The following DNAH2 variants were observed in gnomAD, a reference collection of about 807,000 sequenced individuals.
DNAH2 encodes dynein axonemal heavy chain 2.
A neutral mutation model predicts 523.5 loss-of-function variants in DNAH2; 323 were observed. The ratio of observed to expected loss-of-function variants is 0.62; its 90% CI spans 0.56 to 0.68. The LOEUF (loss-of-function observed/expected upper bound fraction) is 0.68, where lower values mean the gene tolerates loss of function less well. Ranked by LOEUF, DNAH2 falls within the 30% of genes least tolerant of loss-of-function variation. The pLI is 0.00. For synonymous variants in DNAH2, 2,093 were observed against 2,177.4 expected (o/e 0.96, Z 1.08); for missense variants, 4,907 against 5,701.5 (o/e 0.86, Z 4.49).
At position 7,797,243 on chromosome 17, in the gene DNAH2, G is replaced by A; in HGVS notation, c.7931G>A (p.Trp2644Ter). Reference protein sequence around the residue: ...HDTKSSITRLWIHECFRVFSD... With the variant: ...HDTKSSITRL ...ACCAAGTCCAGCATCACACGGCTCT[G>A]GATCCATGAATGTTTCAGGTGACAT... Residue 2644 changes from tryptophan (W) to a stop codon, truncating the protein, a stop_gained, in exon 51 of 86, where the codon TGG becomes TAG. Coordinates refer to ENST00000572933, the MANE Select transcript of DNAH2 (RefSeq NM_020877.5). LOFTEE classifies it high-confidence loss of function. 6.2e-7 allele frequency: 1 copy of A among 1,614,032 alleles called. No homozygotes were observed. The highest frequency in any genetic ancestry group is 8.5e-7 in the Non-Finnish European group (1 of 1,180,000).
intron 58 of DNAH2, among the ~76,000 whole-genome samples, chr17:7,803,772 T>G (rs1008926340): frequency 6.6e-6 from 1 of 151,970 alleles, no homozygotes; most frequent in Non-Finnish European, 1.5e-5. Flanking sequence ...GTCAGGAGTT[T>G]GAGACCAGCC....
chr17:7,743,117 G>A lies in DNAH2; in HGVS notation c.1879G>A (p.Gly627Ser), dbSNP rs190261485. The change falls in exon 12 of 86, where the codon GGC becomes AGC. Residue 627 changes from glycine (G) to serine (S), a missense_variant. Gly to Ser is a moderately conservative substitution (Grantham distance 56). This residue lies in a region of DNAH2 where 2,806 missense variants were observed against 3,190.8 expected (regional missense o/e 0.88). Transcript: ENST00000572933. ...GCTGCGAATCAGCCAGGAGAAGGCG[G>A]GCATGCTGGATGTCAACTTTGACAA... Reference protein sequence around the residue: ...PLLRISQEKAGMLDVNFDKSL... With the variant: ...PLLRISQEKASMLDVNFDKSL... 1.3e-6 allele frequency: 2 copies of A among 1,580,980 alleles called. No homozygotes were observed. Among genetic ancestry groups the A allele is most frequent in the African/African-American group, 2.7e-5 (2 of 73,260 alleles).
chr17:7,825,698 A>G (rs547991728), intron 77 of DNAH2, among the ~76,000 whole-genome samples: 4 of 152,260 alleles, frequency 2.6e-5, no homozygotes, highest in East Asian at 3.9e-4. Context: ...TCCTTTCACA[A>G]GTTGTTGGAG....
intron 12 of DNAH2, among the ~76,000 whole-genome samples, chr17:7,745,617 G>A (rs901616863): frequency 1.2e-4 from 18 of 151,374 alleles, no homozygotes; most frequent in Admixed American, 7.9e-4. Context: ...AGGAGTCCAA[G>A]ATCAGTGGGG....
At chr17:7,731,227 A>G (rs963935206) in intron 4 of DNAH2, among the ~76,000 whole-genome samples, 2 of 152,170 alleles carry the variant, frequency 1.3e-5, no homozygotes, top group Admixed American at 1.3e-4. Flanking sequence ...AAAGGATACT[A>G]AGAGACATGA....
At chr17:7,732,594 T>C (rs2075021027) in intron 4 of DNAH2, among the ~76,000 whole-genome samples, 1 of 152,302 alleles carries the variant, frequency 6.6e-6, no homozygotes, top group African/African-American at 2.4e-5. Context: ...ATGAAAGATA[T>C]ATGCTTTTGT....
chr17:7,759,370 T>G, intron 15 of DNAH2, 52 bp from the exon 16 acceptor site: 1 of 1,559,824 alleles, frequency 6.4e-7, no homozygotes, highest in Non-Finnish European at 8.7e-7. Context: ...CTTCCCAGGA[T>G]GTGCCCTGTC....
chr17:7,757,040 A>G (rs776524215), intron 12 of DNAH2, 51 bp from the exon 13 acceptor site: 2 of 1,608,700 alleles, frequency 1.2e-6, no homozygotes, highest in South Asian at 1.1e-5. Flanking sequence ...TTGTTGCTCT[A>G]GTTTATCCCC....
Position 7,798,203 on chromosome 17 carries a change from C to T in DNAH2, c.8277C>T (p.Leu2759=), listed in dbSNP as rs750748335. The change falls in exon 54 of 86, where the codon CTC becomes CTT. Residue 2759 remains leucine, a synonymous_variant. Coordinates refer to ENST00000572933, the MANE Select transcript of DNAH2 (RefSeq NM_020877.5). The surrounding 1 kb of genome is among the most constrained non-coding windows in gnomAD (Gnocchi z 5.5). ...RVIGQPRGNM[L]LVGIGGSGRQ... Reference sequence around the variant, plus strand: ...TTGGACAGCCTCGGGGCAACATGCTCCTGGTGGGTATCGGGGGCAGCGGAC... The same window carrying T: ...TTGGACAGCCTCGGGGCAACATGCTTCTGGTGGGTATCGGGGGCAGCGGAC... The T allele has an allele frequency of 3.1e-6, 5 of 1,612,828 alleles. No homozygotes were observed. In the East Asian group the frequency reaches 8.9e-5, roughly 29 times the overall value.
Position 7,763,846 on chromosome 17 carries a change from T to C in DNAH2, c.2994T>C (p.Ala998=). The C allele has an allele frequency of 6.2e-7, 1 of 1,614,138 alleles. No homozygotes were observed. Among genetic ancestry groups the C allele is most frequent in the Non-Finnish European group, 8.5e-7 (1 of 1,180,042 alleles). Residue 998 remains alanine, a synonymous_variant, in exon 19 of 86, where the codon GCT becomes GCC. Transcript: ENST00000572933. ...GCTCTTGCAGCTACACGGAAGTTGC[T>C]AATAACGTGCAGAAGGAGGAGACAG... ...VADIARYTEV[A]NNVQKEETVT... is the part of the protein sequence containing the mutation.
chr17:7,826,835 C>T (rs559600174), intron 77 of DNAH2, among the ~76,000 whole-genome samples: 64 of 152,076 alleles, frequency 4.2e-4, no homozygotes, highest in Non-Finnish European at 7.6e-4. Flanking sequence ...TCACCGCACC[C>T]GGCCCATCAT....
Position 7,807,313 on chromosome 17 carries a change from C to T in DNAH2, c.9606C>T (p.Ala3202=), listed in dbSNP as rs755823073. Residue 3202 remains alanine (A), a synonymous_variant, in exon 62 of 86, where the codon GCC becomes GCT. Transcript: ENST00000572933. The surrounding 1 kb of genome is among the most constrained non-coding windows in gnomAD (Gnocchi z 5.6). Reference sequence around the variant, plus strand: ...AGTCCCTCTGCATGTGGGTGCGGGCCATGGAGGTAAAGGCGTCAGGGCTGG... The same window carrying T: ...AGTCCCTCTGCATGTGGGTGCGGGCTATGGAGGTAAAGGCGTCAGGGCTGG... ...AAKSLCMWVR[A]MELYGRLYRV... The T allele has an allele frequency of 3.7e-6, 6 of 1,612,876 alleles. No individual in the cohort carries two copies. The highest frequency in any genetic ancestry group is 2.2e-5 in the South Asian group (2 of 91,042).
Position 7,799,355 on chromosome 17 carries a change from C to T in DNAH2, c.8699+113C>T, listed in dbSNP as rs1206527430. On this transcript the variant is annotated intron_variant, in intron 56 of 85. Coordinates refer to ENST00000572933, the MANE Select transcript of DNAH2 (RefSeq NM_020877.5). ...AGGAATAACAGCAGGCTCCTCTGCC[C>T]GCCTCACCCATCTCCTTTCCTTAGG... 1.6e-5 allele frequency: 23 copies of T among 1,428,014 alleles called. No homozygotes were observed. In the East Asian group the frequency reaches 2.6e-4, roughly 16 times the overall value. 88.5% of individuals were successfully genotyped at this position (1,428,014 alleles called of 1,614,324 possible). A position where few individuals can be genotyped will look rare whatever the true frequency, so the allele number is the denominator to read the frequency against.
At position 7,801,781 on chromosome 17, in the gene DNAH2, A is replaced by AC. The variant is rs529469462; in HGVS notation, c.8832+76dup. On this transcript the variant is annotated intron_variant, in intron 57 of 85. Transcript: ENST00000572933. The stretch of plus-strand genomic sequence containing the variant: ...TCCCCCGCCTCTCATCTCTCATCGC[A>AC]CCCCCGGCCTCTCTCCTTCCCGCCT... The AC allele has an allele frequency of 1.0e-4, 164 of 1,599,092 alleles. 2 individuals carry two copies. In the African/African-American group the frequency reaches 1.9e-3, roughly 18 times the overall value.
At chr17:7,816,834 C>T in intron 64 of DNAH2, 99 bp downstream of exon 64, 2 of 1,463,318 alleles carry the variant, frequency 1.4e-6, no homozygotes, top group East Asian at 2.3e-5. Context: ...AAAACGGGGA[C>T]ACCTGGGTAT....
intron 28 of DNAH2, among the ~76,000 whole-genome samples, chr17:7,773,638 T>C (rs2076375674): frequency 1.3e-5 from 2 of 152,238 alleles, no homozygotes; most frequent in Admixed American, 6.5e-5. Flanking sequence ...ACTGAGGCTG[T>C]AACTTTTGCA....
At chr17:7,765,613 C>T (rs769592571) in intron 21 of DNAH2, 48 bp downstream of exon 21, 12 of 1,568,872 alleles carry the variant, frequency 7.6e-6, no homozygotes, top group Middle Eastern at 1.7e-4. Flanking sequence ...TGTTTAGAGA[C>T]CCCGCCTTCC....
chr17:7,820,579 G>A (rs899971014), intron 72 of DNAH2, among the ~76,000 whole-genome samples: 2 of 152,126 alleles, frequency 1.3e-5, no homozygotes, highest in African/African-American at 4.8e-5. Context: ...GCAGCTCCTC[G>A]GAAACTTTCC....
In DNAH2 at chr17:7,740,961, TC is replaced by T. The variant is rs760683617; in HGVS notation, c.1660del (p.Leu554SerfsTer9). 6.2e-7 allele frequency: 1 copy of T among 1,606,720 alleles called. No individual in the cohort carries two copies. Among genetic ancestry groups the T allele is most frequent in the Non-Finnish European group, 8.5e-7 (1 of 1,174,138 alleles). ...TCCGGAAAGGCGCGCTGGGTGCACA[TC>T]CTCCGGCGTCGCATCGACAGAGTCA... is the stretch of plus-strand genomic sequence containing the variant. ...QYSGKARWVH[I>X]LRRRIDRVMT... On this transcript the variant is annotated frameshift_variant, in exon 11 of 86. Coordinates refer to ENST00000572933, the MANE Select transcript of DNAH2 (RefSeq NM_020877.5). LOFTEE classifies it high-confidence loss of function.
Sources: allele counts gnomAD v4.1 joint callset (sites outside exome capture counted in the v4.1 genomes callset), GRCh38; gene constraint gnomAD v4.1.1; regional missense constraint gnomAD v4.1.1; non-coding constraint Gnocchi (gnomAD v3.1); transcripts MANE v1.5; gene names NCBI Gene and HGNC (gene_info 2026-07-23, HGNC 2026-07-21).